Variants in SPRED2 observed in about 807,000 individuals in gnomAD.
The protein encoded by SPRED2 is sprouty-related, EVH1 domain-containing protein 2.
A neutral mutation model predicts 43.0 loss-of-function variants in SPRED2; 47 were observed. The observed-to-expected ratio is 1.09, with a 90% CI of 0.87 to 1.40. The LOEUF is 1.40. Ranked by LOEUF, SPRED2 falls within the 40% of genes most tolerant of loss-of-function variation. The pLI, the probability that SPRED2 is intolerant of heterozygous loss-of-function variation, is 0.00. For missense variants in SPRED2, 561 were observed against 586.4 expected (o/e 0.96, Z 0.45); for synonymous variants, 225 against 225.7 (o/e 1.00, Z 0.03).
chr2:65,361,183 C>T (rs563734799), intron 1 of SPRED2, among the ~76,000 whole-genome samples: 8 of 152,326 alleles, frequency 5.3e-5, no homozygotes, highest in African/African-American at 1.9e-4. Context: ...AAAAAGCATT[C>T]TTCTATACTA....
intron 4 of SPRED2, among the ~76,000 whole-genome samples, chr2:65,326,258 A>G (rs747403984): frequency 5.9e-5 from 9 of 152,242 alleles, no homozygotes; most frequent in Non-Finnish European, 1.2e-4. Flanking sequence ...TCTTAACCTC[A>G]GCCTGAGAGT....
intron 2 of SPRED2, among the ~76,000 whole-genome samples, chr2:65,335,299 A>T (rs1673932575): frequency 1.3e-5 from 2 of 152,070 alleles, no homozygotes; most frequent in African/African-American, 4.8e-5. Context: ...ATTAATCACC[A>T]GGTCCATTTC....
chr2:65,414,537 C>G (rs116253748), intron 1 of SPRED2, among the ~76,000 whole-genome samples: 192 of 152,320 alleles, frequency 1.3e-3, no homozygotes, highest in African/African-American at 4.3e-3. Flanking sequence ...CCTTGGTCCC[C>G]TGAATGTCTG....
At position 65,391,290 on chromosome 2, in the gene SPRED2, CG is replaced by C. The variant is rs577795576; in HGVS notation, c.26+40671del. On this transcript the variant is annotated intron_variant, in intron 1 of 5. Coordinates refer to ENST00000356388, the MANE Select transcript of SPRED2 (RefSeq NM_181784.3). Reference sequence around the variant, plus strand: ...TAAAACCAGGGCAGTACCAGGCCAACGGGAACAGGTGGTCACCTTAATATAA... The same window carrying C: ...TAAAACCAGGGCAGTACCAGGCCAACGGAACAGGTGGTCACCTTAATATAA... 1.3e-4 allele frequency among the ~76,000 whole-genome samples: 19 copies of C among 151,764 alleles called. No homozygotes were observed. In the East Asian group the frequency reaches 3.5e-3, roughly 28 times the overall value.
intron 1 of SPRED2, among the ~76,000 whole-genome samples, chr2:65,357,490 G>A (rs1360669958): frequency 6.6e-6 from 1 of 152,148 alleles, no homozygotes; most frequent in Non-Finnish European, 1.5e-5. Flanking sequence ...CTGACATTAG[G>A]GACAGATAAA....
intron 1 of SPRED2, among the ~76,000 whole-genome samples, chr2:65,368,322 A>G (rs1675037199): frequency 1.3e-5 from 2 of 152,214 alleles, no homozygotes; most frequent in Non-Finnish European, 2.9e-5. Flanking sequence ...ATGGGCCTCA[A>G]CTGAAGACTT....
intron 1 of SPRED2, among the ~76,000 whole-genome samples, chr2:65,364,665 T>C (rs962440644): frequency 1.3e-5 from 2 of 152,074 alleles, no homozygotes; most frequent in African/African-American, 4.8e-5. Flanking sequence ...GTCCCAACTA[T>C]ACAAATCACA....
intron 2 of SPRED2, chr2:65,344,408 TAA>T (rs1417732523): frequency 4.6e-6 from 2 of 439,136 alleles, no homozygotes; most frequent in African/African-American, 2.0e-5. Context: ...TTCATAATAA[TAA>T]AAGAGTACAC....
chr2:65,369,340 T>C (rs892682957), intron 1 of SPRED2, among the ~76,000 whole-genome samples: 8 of 152,152 alleles, frequency 5.3e-5, no homozygotes, highest in African/African-American at 9.7e-5. Context: ...CTGAGAATAT[T>C]GTTCAAGTTT....
Position 65,344,733 on chromosome 2 carries a change from G to A in SPRED2, c.190C>T (p.Gln64Ter), listed in dbSNP as rs748414850. 6.2e-7 allele frequency: 1 copy of A among 1,614,110 alleles called. No individual in the cohort carries two copies. Among genetic ancestry groups the A allele is most frequent in the African/African-American group, 1.3e-5 (1 of 75,042 alleles). Residue 64 changes from glutamine (Q) to a stop codon, truncating the protein, a stop_gained, in exon 2 of 6, where the codon CAG becomes TAG. Coordinates refer to ENST00000356388, the MANE Select transcript of SPRED2 (RefSeq NM_181784.3). LOFTEE classifies it high-confidence loss of function. ...RSGFLIHGER[Q>*]KDKLVVLECY... The stretch of plus-strand genomic sequence containing the variant: ...TCTGCCATTACCAGTTTGTCTTTCT[G>A]TCGTTCACCATGGATGAGAAAGCCG...
At chr2:65,394,949 C>T (rs1200625812) in intron 1 of SPRED2, among the ~76,000 whole-genome samples, 2 of 151,964 alleles carry the variant, frequency 1.3e-5, no homozygotes, top group East Asian at 1.9e-4. Flanking sequence ...ATTTTCTGAC[C>T]GAGGAAAATA....
chr2:65,341,147 T>G (rs1674173054), intron 2 of SPRED2, among the ~76,000 whole-genome samples: 1 of 147,550 alleles, frequency 6.8e-6, no homozygotes, highest in African/African-American at 2.5e-5. Context: ...ATGAGTGTGC[T>G]GGGTATGGGT....
At chr2:65,344,678 T>C (rs1049575277) in intron 2 of SPRED2, 41 bp downstream of exon 2, 1 of 1,606,988 alleles carries the variant, frequency 6.2e-7, no homozygotes, top group Non-Finnish European at 8.5e-7. Flanking sequence ...AAGAAAGCAG[T>C]TGTTACTAAT....
intron 1 of SPRED2, among the ~76,000 whole-genome samples, chr2:65,349,729 C>T (rs965637317): frequency 6.6e-6 from 1 of 152,234 alleles, no homozygotes; most frequent in Non-Finnish European, 1.5e-5. Context: ...AAATACCATA[C>T]CCTTCTGTGT....
At chr2:65,368,610 C>T (rs1675042949) in intron 1 of SPRED2, among the ~76,000 whole-genome samples, 1 of 152,048 alleles carries the variant, frequency 6.6e-6, no homozygotes, top group Non-Finnish European at 1.5e-5. Flanking sequence ...TGCACACATG[C>T]ACAAACAATG....
chr2:65,415,754 G>C (rs1248328647), intron 1 of SPRED2, among the ~76,000 whole-genome samples: 1 of 151,568 alleles, frequency 6.6e-6, no homozygotes, highest in South Asian at 2.1e-4. Flanking sequence ...TATTCAAAGC[G>C]ACTCTTTGGA....
At chr2:65,416,434 C>T (rs962798800) in intron 1 of SPRED2, among the ~76,000 whole-genome samples, 2 of 152,072 alleles carry the variant, frequency 1.3e-5, no homozygotes, top group Admixed American at 1.3e-4. Flanking sequence ...TTGTACTGCT[C>T]CATCCTGAAC....
At position 65,313,404 on chromosome 2, in the gene SPRED2, C is replaced by A. The variant is rs1381843729; in HGVS notation, c.*97G>T. ...GCTGGGAGGCCGCTTGCCCTCCTCG[C>A]TCCTTGGAGTGGAAGGGAGCGGGGG... On this transcript the variant is annotated 3_prime_UTR_variant, in exon 6 of 6. Transcript: ENST00000356388. The A allele has an allele frequency of 2.7e-6, 4 of 1,507,774 alleles. No homozygotes were observed. In the African/African-American group the frequency reaches 4.2e-5, roughly 16 times the overall value. The allele number at this position is 1,507,774 out of a possible 1,614,324, so 93.4% of individuals were successfully genotyped here.
At chr2:65,344,103 C>T (rs1408799153) in intron 2 of SPRED2, 1 of 150,780 alleles carries the variant, frequency 6.6e-6, no homozygotes, top group Non-Finnish European at 1.4e-5. Flanking sequence ...TGCCACTGCA[C>T]TCCAGCCTAG....
Sources: gnomAD v4.1 joint callset for allele counts (sites outside exome capture counted in the v4.1 genomes callset) on GRCh38, gnomAD v4.1.1 for gene constraint, MANE v1.5 for transcripts, NCBI Gene and HGNC (gene_info 2026-07-23, HGNC 2026-07-21) for gene names.